DGKI: variants seen among roughly 807,000 people sequenced by gnomAD.
The protein encoded by DGKI is diacylglycerol kinase iota, also known as DAG kinase iota.
A neutral mutation model predicts 147.5 loss-of-function variants in DGKI; 55 were observed. The observed-to-expected ratio is 0.37, with a 90% CI of 0.30 to 0.47. DGKI has a LOEUF of 0.47. DGKI is among the 20% of genes least tolerant of loss of function. The pLI is 1.00. For synonymous variants in DGKI, 469 were observed against 477.1 expected (o/e 0.98, Z 0.22); for missense variants, 1,007 against 1,323.8 (o/e 0.76, Z 3.71).
Position 137,645,448 on chromosome 7 carries a change from G to A in DGKI, c.804+24C>T, listed in dbSNP as rs755579144. ...AGAGGCCTGGGGAGCCTCCTGCGAG[G>A]CCATGAGGTGGCTGGGCTCTTACCT... is the stretch of plus-strand genomic sequence containing the variant. On this transcript the variant is annotated intron_variant, in intron 6 of 32. Coordinates refer to ENST00000614521, the MANE Select transcript of DGKI (RefSeq NM_001321708.2). 105 of 1,609,530 alleles carry A rather than the reference G, an allele frequency of 6.5e-5. No individual in the cohort carries two copies. In the Middle Eastern group the frequency reaches 6.7e-4, roughly 10 times the overall value.
intron 1 of DGKI, among the ~76,000 whole-genome samples, chr7:137,690,880 G>C (rs1228775454): frequency 6.6e-6 from 1 of 152,158 alleles, no homozygotes; most frequent in Non-Finnish European, 1.5e-5. Flanking sequence ...GATCACCTAG[G>C]GAGATCTGTG....
intron 1 of DGKI, among the ~76,000 whole-genome samples, chr7:137,845,601 C>A (rs958525807): frequency 6.6e-6 from 1 of 152,154 alleles, no homozygotes; most frequent in African/African-American, 2.4e-5. Flanking sequence ...TTTATTCTTG[C>A]CTGCGGAAGG....
intron 19 of DGKI, among the ~76,000 whole-genome samples, chr7:137,556,744 A>T (rs1329675255): frequency 6.6e-6 from 1 of 152,226 alleles, no homozygotes; most frequent in Non-Finnish European, 1.5e-5. Context: ...TTAATTTTCC[A>T]AAATTAATGT....
chr7:137,760,738 C>T (rs1563185147), intron 1 of DGKI, among the ~76,000 whole-genome samples: 1 of 152,198 alleles, frequency 6.6e-6, no homozygotes, highest in African/African-American at 2.4e-5. Flanking sequence ...GATGGGTCTG[C>T]TGAGGTCCAC....
At chr7:137,512,486 A>T (rs1424843855) in intron 21 of DGKI, among the ~76,000 whole-genome samples, 2 of 152,242 alleles carry the variant, frequency 1.3e-5, no homozygotes, top group African/African-American at 2.4e-5. Context: ...CTACCATCTG[A>T]GCTTACATTC....
chr7:137,410,939 G>C (rs1812139465), intron 29 of DGKI, among the ~76,000 whole-genome samples: 1 of 152,222 alleles, frequency 6.6e-6, no homozygotes, highest in Non-Finnish European at 1.5e-5. Context: ...CTGGGCAGTG[G>C]CACAGGCACC....
intron 8 of DGKI, among the ~76,000 whole-genome samples, chr7:137,619,382 T>C (rs1820661530): frequency 6.6e-6 from 1 of 152,222 alleles, no homozygotes; most frequent in African/African-American, 2.4e-5. Context: ...TCATGATTCA[T>C]GGTCTGCCTT....
intron 1 of DGKI, among the ~76,000 whole-genome samples, chr7:137,800,068 T>G (rs1223027115): frequency 1.3e-5 from 2 of 152,156 alleles, no homozygotes; most frequent in Non-Finnish European, 2.9e-5. Context: ...AACCAGGACC[T>G]TTTAAGGAGA....
At chr7:137,741,754 A>G (rs936018537) in intron 1 of DGKI, among the ~76,000 whole-genome samples, 1 of 152,200 alleles carries the variant, frequency 6.6e-6, no homozygotes, top group African/African-American at 2.4e-5. Context: ...AATTCTCTCA[A>G]CAAATTTGTA....
At chr7:137,767,457 A>AAAGAGAAGAGAAGGG (rs1796045067) in intron 1 of DGKI, among the ~76,000 whole-genome samples, 1 of 111,122 alleles carries the variant, frequency 9.0e-6, no homozygotes. Context: ...AAGAGTTCCA[A>AAAGAGAAGAGAAGGG]AAGAGAAGAG....
intron 30 of DGKI, 40 bp from the exon 31 acceptor site, chr7:137,397,453 T>C: frequency 1.3e-6 from 2 of 1,594,988 alleles, no homozygotes; most frequent in Non-Finnish European, 1.7e-6. Flanking sequence ...AAAAATAAGC[T>C]CAAAAACTAA....
chr7:137,523,033 A>T (rs1368546477), intron 20 of DGKI, among the ~76,000 whole-genome samples: 2 of 152,096 alleles, frequency 1.3e-5, no homozygotes, highest in African/African-American at 4.8e-5. Flanking sequence ...AAGGAGGAAA[A>T]GGAAGGAAAG....
chr7:137,450,404 A>G (rs1813906085), intron 27 of DGKI, among the ~76,000 whole-genome samples: 3 of 152,286 alleles, frequency 2.0e-5, no homozygotes, highest in South Asian at 4.1e-4. Context: ...TTTTATGTCA[A>G]TTTTAAAATT....
At chr7:137,656,653 AATT>A in intron 3 of DGKI, 113 bp from the exon 4 acceptor site, 1 of 974,844 alleles carries the variant, frequency 1.0e-6, no homozygotes, top group South Asian at 1.6e-5. Flanking sequence ...CAAACATTGT[AATT>A]ATTTCTATTA....
chr7:137,726,205 C>T (rs1445228625), intron 1 of DGKI, among the ~76,000 whole-genome samples: 1 of 152,170 alleles, frequency 6.6e-6, no homozygotes, highest in Non-Finnish European at 1.5e-5. Flanking sequence ...GACTTCATCA[C>T]TCTCAACCTC....
intron 1 of DGKI, among the ~76,000 whole-genome samples, chr7:137,842,123 C>T (rs1798561440): frequency 6.6e-6 from 1 of 152,140 alleles, no homozygotes; most frequent in South Asian, 2.1e-4. Flanking sequence ...CTTTAAAAAT[C>T]TAACAGATGT....
intron 28 of DGKI, among the ~76,000 whole-genome samples, chr7:137,442,670 A>G (rs78211692): frequency 6.6e-6 from 1 of 152,234 alleles, no homozygotes; most frequent in Non-Finnish European, 1.5e-5. Context: ...AATTTTCCCT[A>G]TGATTCTTCA....
At chr7:137,497,028 G>A (rs1001008154) in intron 21 of DGKI, among the ~76,000 whole-genome samples, 1 of 151,070 alleles carries the variant, frequency 6.6e-6, no homozygotes, top group Non-Finnish European at 1.5e-5. Context: ...ACAACCTACA[G>A]AATGGAAGAA....
intron 3 of DGKI, among the ~76,000 whole-genome samples, chr7:137,678,226 C>T (rs1823103691): frequency 6.6e-6 from 1 of 152,084 alleles, no homozygotes; most frequent in African/African-American, 2.4e-5. Context: ...TGGCCCCACA[C>T]CAACAACTCC....
Sources: allele counts gnomAD v4.1 joint callset (sites outside exome capture counted in the v4.1 genomes callset), GRCh38; gene constraint gnomAD v4.1.1; transcripts MANE v1.5; gene names NCBI Gene and HGNC (gene_info 2026-07-23, HGNC 2026-07-21).